TEF: variants seen among roughly 807,000 people sequenced by gnomAD.
TEF encodes the protein thyrotroph embryonic factor.
In TEF, 3 loss-of-function variants were observed where a neutral mutation model predicts 20.8. That is an observed-to-expected ratio of 0.14 (90% CI 0.07 to 0.37). The LOEUF (loss-of-function observed/expected upper bound fraction) is 0.37. Ranked by LOEUF, TEF falls within the 10% of genes least tolerant of loss-of-function variation. TEF has a pLI of 1.00. For missense variants in TEF, 296 were observed against 397.9 expected (o/e 0.74, Z 2.18); for synonymous variants, 180 against 171.1 (o/e 1.05, Z -0.41).
In TEF at chr22:41,396,971, G is replaced by A. The variant is rs2037236886; in HGVS notation, c.*1011G>A. On this transcript the variant is annotated 3_prime_UTR_variant, in exon 4 of 4. Coordinates refer to ENST00000266304, the MANE Select transcript of TEF (RefSeq NM_003216.4). Reference sequence around the variant, plus strand: ...GCATGAGAGCTGGGGTGTGTTTCTTGAGAAGCTCCCTTTTTTCTTGCTCTG... The same window carrying A: ...GCATGAGAGCTGGGGTGTGTTTCTTAAGAAGCTCCCTTTTTTCTTGCTCTG... 3 of 398,604 alleles carry A rather than the reference G, an allele frequency of 7.5e-6. No homozygotes were observed. Among genetic ancestry groups the A allele is most frequent in the African/African-American group, 2.1e-5 (1 of 48,624 alleles). 24.7% of individuals were successfully genotyped at this position (398,604 alleles called of 1,614,324 possible).
At chr22:41,377,599 G>C (rs528171719), upstream of TEF, among the ~76,000 whole-genome samples, 1 of 152,366 alleles carries the variant, frequency 6.6e-6, no homozygotes, top group Non-Finnish European at 1.5e-5. Context: ...AGAGGCTGCT[G>C]TGGTGGAGAA....
Position 41,387,656 on chromosome 22 carries a change from G to T in TEF, c.463G>T (p.Val155Leu). Residue 155 changes from valine to leucine, a missense_variant, in exon 2 of 4, where the codon GTG (valine) becomes TTG (leucine). Physicochemically the swap from Val to Leu is conservative, Grantham distance 32 (BLOSUM62 1). Transcript: ENST00000266304. ...TGCCATCTTTCAGCCCTCTGAAACC[G>T]TGTCCAGCACAGGTTGGTGAAAGGC... Reference protein sequence around the residue: ...STAIFQPSETVSSTESSLEKE... With the variant: ...STAIFQPSETLSSTESSLEKE... The T allele has an allele frequency of 6.2e-7, 1 of 1,613,210 alleles. No individual in the cohort carries two copies. Among genetic ancestry groups the T allele is most frequent in the South Asian group, 1.1e-5 (1 of 90,994 alleles).
intron 1 of TEF, among the ~76,000 whole-genome samples, chr22:41,371,423 G>A (rs2036881590): frequency 6.6e-6 from 1 of 152,246 alleles, no homozygotes; most frequent in African/African-American, 2.4e-5. Flanking sequence ...GCCCTGGGAA[G>A]AGAGCAGGGG....
upstream of TEF, among the ~76,000 whole-genome samples, chr22:41,379,908 GAAAAA>G (rs1216913707): frequency 0.021 from 1,870 of 89,434 alleles, 41 homozygotes; most frequent in African/African-American, 0.058. Context: ...AAAAAAAAAA[GAAAAA>G]AAGAAAAGAA....
chr22:41,394,516 T>C (rs2037205292), intron 3 of TEF, among the ~76,000 whole-genome samples, 200 bp downstream of exon 3: 1 of 152,222 alleles, frequency 6.6e-6, no homozygotes, highest in Non-Finnish European at 1.5e-5. Flanking sequence ...GGCCCCAGTG[T>C]GACTCCCTGT....
upstream of TEF, among the ~76,000 whole-genome samples, chr22:41,381,499 C>T (rs987303215): frequency 1.3e-5 from 2 of 152,204 alleles, no homozygotes; most frequent in African/African-American, 4.8e-5. Context: ...GTCGCTTTGG[C>T]CGGCCTGGCC....
chr22:41,396,975 A>C lies in TEF; in HGVS notation c.*1015A>C, dbSNP rs2037236916. On this transcript the variant is annotated 3_prime_UTR_variant, in exon 4 of 4. Coordinates refer to ENST00000266304, the MANE Select transcript of TEF (RefSeq NM_003216.4). Reference sequence around the variant, plus strand: ...GAGAGCTGGGGTGTGTTTCTTGAGAAGCTCCCTTTTTTCTTGCTCTGCTCA... The same window carrying C: ...GAGAGCTGGGGTGTGTTTCTTGAGACGCTCCCTTTTTTCTTGCTCTGCTCA... 2.5e-6 allele frequency: 1 copy of C among 398,432 alleles called. No individual in the cohort carries two copies. 24.7% of individuals were successfully genotyped at this position (398,432 alleles called of 1,614,324 possible). A position where few individuals can be genotyped will look rare whatever the true frequency, so the allele number is the denominator to read the frequency against.
intron 1 of TEF, among the ~76,000 whole-genome samples, chr22:41,374,466 G>A (rs2036916340): frequency 6.6e-6 from 1 of 151,788 alleles, no homozygotes; most frequent in East Asian, 1.9e-4. Flanking sequence ...GCAGGAGAAT[G>A]GCGTGAACCC....
chr22:41,378,047 G>A (rs1397257151), upstream of TEF, among the ~76,000 whole-genome samples: 3 of 152,066 alleles, frequency 2.0e-5, no homozygotes, highest in Non-Finnish European at 4.4e-5. Flanking sequence ...TTTGAGAATG[G>A]GTTTTTCTTC....
upstream of TEF, among the ~76,000 whole-genome samples, chr22:41,381,640 G>A (rs953127341): frequency 7.9e-5 from 12 of 152,334 alleles, no homozygotes; most frequent in Admixed American, 7.8e-4. Context: ...CTGGTAGGAG[G>A]GAAGGGACCG....
chr22:41,389,614 T>G (rs942354533), intron 2 of TEF, among the ~76,000 whole-genome samples: 2 of 151,688 alleles, frequency 1.3e-5, no homozygotes, highest in African/African-American at 4.8e-5. Flanking sequence ...CAAGACTCCA[T>G]CTCAAAATAA....
upstream of TEF, among the ~76,000 whole-genome samples, chr22:41,378,332 C>T (rs1162116509): frequency 2.1e-5 from 3 of 142,176 alleles, no homozygotes; most frequent in East Asian, 6.2e-4. Context: ...CCACGCCCAG[C>T]TAACTTTTGC....
At chr22:41,380,418 G>C (rs1400547110), upstream of TEF, among the ~76,000 whole-genome samples, 1 of 152,170 alleles carries the variant, frequency 6.6e-6, no homozygotes, top group African/African-American at 2.4e-5. Flanking sequence ...GCCTCCCAAA[G>C]TGCCGGGATT....
Position 41,382,116 on chromosome 22 carries a change from CGCAGCT to C in TEF, c.74_79del (p.Ala25_Ala26del). 1 of 1,233,396 alleles carries C rather than the reference CGCAGCT, an allele frequency of 8.1e-7. No homozygotes were observed. The highest frequency in any genetic ancestry group is 1.0e-6 in the Non-Finnish European group (1 of 988,660). The allele number at this position is 1,233,396 out of a possible 1,614,324, so 76.4% of individuals were successfully genotyped here. A position where few individuals can be genotyped will look rare whatever the true frequency, so the allele number is the denominator to read the frequency against. On this transcript the variant is annotated inframe_deletion, in exon 1 of 4. Coordinates refer to ENST00000266304, the MANE Select transcript of TEF (RefSeq NM_003216.4). ...CAGGACCCGGTCCGGGGCCGGGGCG[CGCAGCT>C]GGGGAAAGGGGCCTGTCGGGGTCCT...
chr22:41,389,551 G>A (rs1373243694), intron 2 of TEF, among the ~76,000 whole-genome samples: 2 of 150,938 alleles, frequency 1.3e-5, no homozygotes, highest in African/African-American at 2.4e-5. Flanking sequence ...CCCGGGAGGC[G>A]GAGGTTGCAG....
upstream of TEF, among the ~76,000 whole-genome samples, chr22:41,380,509 T>C (rs758464612): frequency 3.1e-4 from 47 of 152,208 alleles, 2 homozygotes; most frequent in Non-Finnish European, 1.0e-4. Flanking sequence ...TGTGGGTGTC[T>C]GGATCATGCA....
chr22:41,379,215 G>T (rs891600526), upstream of TEF, among the ~76,000 whole-genome samples: 1 of 152,174 alleles, frequency 6.6e-6, no homozygotes, highest in Non-Finnish European at 1.5e-5. Flanking sequence ...GCGGGCTCCT[G>T]TAGTCCCAGC....
At chr22:41,382,238 G>A in intron 1 of TEF, 37 bp downstream of exon 1, 1 of 1,222,996 alleles carries the variant, frequency 8.2e-7, no homozygotes, top group Non-Finnish European at 1.0e-6. Context: ...GGCTGGGGGC[G>A]GGGCTTATAC....
chr22:41,393,328 A>T (rs1353389968), intron 2 of TEF, among the ~76,000 whole-genome samples: 2 of 142,966 alleles, frequency 1.4e-5, no homozygotes, highest in Non-Finnish European at 3.1e-5. Flanking sequence ...GTGACAGAGC[A>T]AGACCCTGTC....
Sources: gnomAD v4.1 joint callset for allele counts (sites outside exome capture counted in the v4.1 genomes callset) on GRCh38, gnomAD v4.1.1 for gene constraint, MANE v1.5 for transcripts, NCBI Gene and HGNC (gene_info 2026-07-23, HGNC 2026-07-21) for gene names.